The following CLBA1 variants were observed in gnomAD, a reference collection of about 807,000 sequenced individuals.
CLBA1 encodes uncharacterized protein CLBA1.
Under a neutral mutation model 28.8 loss-of-function variants are expected in CLBA1, and 30 were observed. The ratio of observed to expected loss-of-function variants is 1.04; its 90% confidence interval spans 0.78 to 1.41. The LOEUF (loss-of-function observed/expected upper bound fraction) is 1.41, where lower values mean the gene tolerates loss of function less well. CLBA1 is among the 40% of genes most tolerant of loss of function. The pLI, the probability that CLBA1 is intolerant of heterozygous loss-of-function variation, is 0.00. For missense variants in CLBA1, 451 were observed against 412.3 expected (o/e 1.09, Z -0.81); for synonymous variants, 160 against 152.8 (o/e 1.05, Z -0.35).
intron 2 of CLBA1, chr14:104,989,706 A>C (rs1899965862): frequency 2.2e-6 from 1 of 455,996 alleles, no homozygotes; most frequent in Non-Finnish European, 4.4e-6. Flanking sequence ...GAGAAGCTCG[A>C]GGTAAGTTGG....
At chr14:105,000,561 C>T (rs57999316) in intron 2 of CLBA1, among the ~76,000 whole-genome samples, 6,151 of 151,992 alleles carry the variant, frequency 0.04, 420 homozygotes, top group African/African-American at 0.14. Context: ...CGTGAGCCAC[C>T]GCGTCCAGCC....
At position 104,994,775 on chromosome 14, in the gene CLBA1, G is replaced by A; in HGVS notation, c.*16G>A. The A allele has an allele frequency of 6.3e-7, 1 of 1,586,520 alleles. No individual in the cohort carries two copies. The highest frequency in any genetic ancestry group is 8.6e-7 in the Non-Finnish European group (1 of 1,165,776). On this transcript the variant is annotated 3_prime_UTR_variant, in exon 5 of 5. Coordinates refer to ENST00000547315, the MANE Select transcript of CLBA1 (RefSeq NM_174891.4). The stretch of plus-strand genomic sequence containing the variant: ...CGTTTGCTAAAATCAGGAGGACTTT[G>A]TACCTTTATGAGGAATTTTTCATTT...
downstream of CLBA1, among the ~76,000 whole-genome samples, chr14:104,999,059 A>G (rs1396316230): frequency 6.6e-6 from 1 of 152,240 alleles, no homozygotes; most frequent in Non-Finnish European, 1.5e-5. Context: ...TCCAGGGCCC[A>G]TGGGTGTGGC....
rs1566934501 is a variant in CLBA1 at position 104,995,219 on chromosome 14, ACT to A, written c.*463_*464del. 1 of 986,382 alleles carries A rather than the reference ACT, an allele frequency of 1.0e-6. No homozygotes were observed. The highest frequency in any genetic ancestry group is 1.2e-6 in the Non-Finnish European group (1 of 830,852). The allele number at this position is 986,382 out of a possible 1,614,324, so 61.1% of individuals were successfully genotyped here. The stretch of plus-strand genomic sequence containing the variant: ...CGCTCAGAAACCCTCTGTCTGTCAC[ACT>A]CTGCCCTGGCTGCTGTGTGGTCAGG... On this transcript the variant is annotated 3_prime_UTR_variant, in exon 5 of 5. Transcript: ENST00000547315.
In CLBA1 at chr14:104,986,445, G is replaced by T. The variant is rs1374866823; in HGVS notation, c.14G>T (p.Arg5Leu). 6 of 1,612,414 alleles carry T rather than the reference G, an allele frequency of 3.7e-6. No homozygotes were observed. The East Asian group carries it at 1.3e-4, about 36-fold the overall frequency. The change falls in exon 1 of 5, where the codon CGG becomes CTG. Residue 5 changes from arginine (R) to leucine (L), a missense_variant. Arg to Leu is a moderately radical substitution (Grantham distance 102). Coordinates refer to ENST00000547315, the MANE Select transcript of CLBA1 (RefSeq NM_174891.4). MQGR[R>L]ELGGEPLSDL... is the part of the protein sequence containing the mutation. ...GGGGGCTCCAAGATGCAAGGCCGGC[G>T]GGAGCTGGGGGGAGAGCCTTTGAGT...
In CLBA1 at chr14:104,994,902, T is replaced by C; in HGVS notation, c.*143T>C. The C allele has an allele frequency of 7.1e-7, 1 of 1,407,190 alleles. No individual in the cohort carries two copies. Among genetic ancestry groups the C allele is most frequent in the South Asian group, 1.6e-5 (1 of 63,276 alleles). 87.2% of individuals were successfully genotyped at this position (1,407,190 alleles called of 1,614,324 possible). A position where few individuals can be genotyped will look rare whatever the true frequency, so the allele number is the denominator to read the frequency against. On this transcript the variant is annotated 3_prime_UTR_variant, in exon 5 of 5. Transcript: ENST00000547315. ...TCTCTCCAACAGGACCTGTCCTGTGTTCTGGGCTTGTCTCGGGTCTGACCA... is the reference window on the plus strand; with the variant it reads ...TCTCTCCAACAGGACCTGTCCTGTGCTCTGGGCTTGTCTCGGGTCTGACCA...
At position 104,985,862 on chromosome 14, in the gene CLBA1, C is replaced by G; in HGVS notation, c.-570C>G. On this transcript the variant is annotated 5_prime_UTR_variant, in exon 1 of 5. Transcript: ENST00000547315. ...CTCGCCCTGGTCCCGCGCGGCCCCGCCGAGGCGGCGACCAAGGTGGGTGCG... is the reference window on the plus strand; with the variant it reads ...CTCGCCCTGGTCCCGCGCGGCCCCGGCGAGGCGGCGACCAAGGTGGGTGCG... 5.0e-6 allele frequency: 1 copy of G among 198,742 alleles called. No homozygotes were observed. Among genetic ancestry groups the G allele is most frequent in the Non-Finnish European group, 9.5e-6 (1 of 105,284 alleles). 12.3% of individuals were successfully genotyped at this position (198,742 alleles called of 1,614,324 possible).
At chr14:104,986,899 C>T in intron 1 of CLBA1, 45 bp downstream of exon 1, 1 of 1,591,696 alleles carries the variant, frequency 6.3e-7, no homozygotes, top group Non-Finnish European at 8.6e-7. Context: ...GGGACGTGTA[C>T]ACACCAAGAG....
At chr14:104,987,989 T>C (rs1595441756) in intron 1 of CLBA1, among the ~76,000 whole-genome samples, 1 of 152,202 alleles carries the variant, frequency 6.6e-6, no homozygotes, top group East Asian at 1.9e-4. Context: ...CCACTCTTAA[T>C]AGAGTAAGGT....
At chr14:104,998,136 GT>G (rs1900187881), downstream of CLBA1, among the ~76,000 whole-genome samples, 1 of 152,150 alleles carries the variant, frequency 6.6e-6, no homozygotes, top group African/African-American at 2.4e-5. Flanking sequence ...GGCCCGGTAT[GT>G]GGTTCATACC....
intron 1 of CLBA1, among the ~76,000 whole-genome samples, chr14:104,987,928 T>G (rs1172563933): frequency 6.6e-6 from 1 of 151,796 alleles, no homozygotes; most frequent in African/African-American, 2.4e-5. Context: ...TGAGCCACCA[T>G]GCCCGGCCGG....
chr14:104,996,504 T>G (rs756505243), downstream of CLBA1, among the ~76,000 whole-genome samples: 36 of 152,158 alleles, frequency 2.4e-4, no homozygotes, highest in South Asian at 8.3e-4. Flanking sequence ...AGAACGCCCC[T>G]CTCACAGATA....
In CLBA1 at chr14:104,994,603, G is replaced by A. The variant is rs756970261; in HGVS notation, c.822G>A (p.Ser274=). The change falls in exon 5 of 5, where the codon TCG becomes TCA. Residue 274 remains serine (S), a synonymous_variant. Transcript: ENST00000547315. ...CTGCTGTCCTCTCATCTCAGCTCTC[G>A]GGGCCGCCTGGCAGCAAACAGGGGA... ...HCKALIQTKL[S]GPPGSKQGRL... The A allele has an allele frequency of 2.9e-5, 46 of 1,606,942 alleles. No individual in the cohort carries two copies. Among genetic ancestry groups the A allele is most frequent in the African/African-American group, 2.4e-4 (18 of 74,738 alleles).
At chr14:104,996,818 C>T (rs1304583127), downstream of CLBA1, among the ~76,000 whole-genome samples, 2 of 152,230 alleles carry the variant, frequency 1.3e-5, no homozygotes, top group Admixed American at 6.5e-5. Context: ...ACCCTCAGGG[C>T]GTCTGAAGGC....
rs1023913309 is a variant in CLBA1, at chr14:104,986,016, C to G, written c.-416C>G. ...TCTCGGGAGGCCCCGGGGCGCCGCA[C>G]CCACTCCTTCCCACTTGGGACTCCC... On this transcript the variant is annotated 5_prime_UTR_variant, in exon 1 of 5. Transcript: ENST00000547315. The G allele has an allele frequency of 4.6e-5, 11 of 238,492 alleles. No homozygotes were observed. Among genetic ancestry groups the G allele is most frequent in the Non-Finnish European group, 9.2e-5 (11 of 119,304 alleles). The allele number at this position is 238,492 out of a possible 1,614,324, so 14.8% of individuals were successfully genotyped here.
Position 104,991,981 on chromosome 14 carries a change from TCA to T in CLBA1, c.699+365_699+366del, listed in dbSNP as rs368876628. ...ACGCACACGCCGCCACACACACGCC[TCA>T]CACGCCGCCATGCACACACCTCACG... On this transcript the variant is annotated intron_variant, in intron 3 of 4. Transcript: ENST00000547315. Among the ~76,000 whole-genome samples the T allele has an allele frequency of 2.3e-3, 249 of 108,232 alleles. 10 individuals carry two copies. The East Asian group carries it at 0.053, about 23-fold the overall frequency. 71.0% of individuals were successfully genotyped at this position (108,232 alleles called of 152,430 possible). A position where few individuals can be genotyped will look rare whatever the true frequency, so the allele number is the denominator to read the frequency against.
At chr14:104,991,958 G>A (rs191025086) in intron 3 of CLBA1, among the ~76,000 whole-genome samples, 198 of 149,172 alleles carry the variant, frequency 1.3e-3, no homozygotes, top group Admixed American at 4.0e-3. Context: ...ACGCCGCCAC[G>A]CACACGCCGC....
intron 4 of CLBA1, 191 bp from the exon 5 acceptor site, chr14:104,994,407 T>C (rs916222147): frequency 5.5e-5 from 54 of 985,418 alleles, no homozygotes; most frequent in Non-Finnish European, 6.4e-5. Context: ...GACTGCACCA[T>C]GAGGAAGCCC....
chr14:105,000,547 C>T (rs1013199629), intron 2 of CLBA1, among the ~76,000 whole-genome samples: 1 of 152,104 alleles, frequency 6.6e-6, no homozygotes, highest in Non-Finnish European at 1.5e-5. Flanking sequence ...GCTGGGATTA[C>T]AGGCGTGAGC....
Sources: allele counts gnomAD v4.1 joint callset (sites outside exome capture counted in the v4.1 genomes callset), GRCh38; gene constraint gnomAD v4.1.1; transcripts MANE v1.5; gene names NCBI Gene and HGNC (gene_info 2026-07-23, HGNC 2026-07-21).